MAP2K6: variants seen among roughly 807,000 people sequenced by gnomAD.
The protein encoded by MAP2K6 is mitogen-activated protein kinase kinase 6, also known as dual specificity mitogen-activated protein kinase kinase 6.
Under a neutral mutation model 53.7 loss-of-function variants are expected in MAP2K6, and 16 were observed. The observed-to-expected ratio is 0.30, with a 90% confidence interval of 0.20 to 0.45. MAP2K6 has a LOEUF of 0.45. Among genes scored for constraint, MAP2K6 ranks in the 20% least tolerant of loss-of-function variants. The pLI, the probability that MAP2K6 is intolerant of heterozygous loss-of-function variation, is 1.00. For synonymous variants in MAP2K6, 132 were observed against 143.1 expected (o/e 0.92, Z 0.55); for missense variants, 204 against 411.9 (o/e 0.50, Z 4.37).
chr17:69,493,101 A>G lies in MAP2K6; in HGVS notation c.17-12679A>G, dbSNP rs191339339. Among the ~76,000 whole-genome samples, 520 of 152,350 alleles carry G rather than the reference A, an allele frequency of 3.4e-3. 2 individuals carry two copies. Among genetic ancestry groups the G allele is most frequent in the African/African-American group, 0.012 (479 of 41,584 alleles). ...ACATGTCAGCCAATGAACTTATACA[A>G]AAGAATAAGAGGCTTAAATATTAAA... On this transcript the variant is annotated intron_variant, in intron 1 of 11. Coordinates refer to ENST00000590474, the MANE Select transcript of MAP2K6 (RefSeq NM_002758.4).
Position 69,541,659 on chromosome 17 carries a change from T to G in MAP2K6, c.928-17T>G, listed in dbSNP as rs752989163. On this transcript the variant is annotated splice_polypyrimidine_tract_variant and intron_variant, in intron 11 of 11. Coordinates refer to ENST00000590474, the MANE Select transcript of MAP2K6 (RefSeq NM_002758.4). ...CAGTAAGACATTAATACCATGTTTTTTCTTTTTCTTTTCCAGCAACATCCA... is the reference window on the plus strand; with the variant it reads ...CAGTAAGACATTAATACCATGTTTTGTCTTTTTCTTTTCCAGCAACATCCA... The G allele has an allele frequency of 6.3e-6, 10 of 1,595,632 alleles. No individual in the cohort carries two copies. The Admixed American group carries it at 1.3e-4, about 21-fold the overall frequency.
chr17:69,460,350 G>A (rs993791036), intron 1 of MAP2K6, among the ~76,000 whole-genome samples: 1 of 152,178 alleles, frequency 6.6e-6, no homozygotes, highest in Non-Finnish European at 1.5e-5. Context: ...TTAGGAAGAC[G>A]GAGGTATTTA....
chr17:69,437,406 G>T (rs1567817591), intron 1 of MAP2K6, among the ~76,000 whole-genome samples: 1 of 152,068 alleles, frequency 6.6e-6, no homozygotes, highest in African/African-American at 2.4e-5. Flanking sequence ...GAAGAAGAGG[G>T]GTTGGTTTTG....
At position 69,494,506 on chromosome 17, in the gene MAP2K6, AAAAG is replaced by A. The variant is rs981456684; in HGVS notation, c.17-11269_17-11266del. 1.3e-5 allele frequency among the ~76,000 whole-genome samples: 2 copies of A among 152,062 alleles called. No individual in the cohort carries two copies. Among genetic ancestry groups the A allele is most frequent in the African/African-American group, 4.8e-5 (2 of 41,382 alleles). On this transcript the variant is annotated intron_variant, in intron 1 of 11. Coordinates refer to ENST00000590474, the MANE Select transcript of MAP2K6 (RefSeq NM_002758.4). The surrounding 1 kb of genome is among the most constrained non-coding windows in gnomAD (Gnocchi z 4.2). ...AAGTGAGACTCTGTCTTTAAAAAAAAAAAGAAAGGAAAAAACAAAATGAATGGAG... is the reference window on the plus strand; with the variant it reads ...AAGTGAGACTCTGTCTTTAAAAAAAAAAAGGAAAAAACAAAATGAATGGAG...
At chr17:69,457,557 C>G (rs564070707) in intron 1 of MAP2K6, among the ~76,000 whole-genome samples, 53 of 152,282 alleles carry the variant, frequency 3.5e-4, no homozygotes, top group African/African-American at 9.1e-4. Context: ...TGCAGGCTTG[C>G]AGCTGGGTGC....
At chr17:69,506,182 T>C (rs1909461098) in intron 2 of MAP2K6, among the ~76,000 whole-genome samples, 1 of 152,170 alleles carries the variant, frequency 6.6e-6, no homozygotes, top group Admixed American at 6.5e-5. Flanking sequence ...CAAATCCCTG[T>C]GAAAGCCACT....
chr17:69,485,436 A>G (rs1268853927), intron 1 of MAP2K6: 4 of 977,940 alleles, frequency 4.1e-6, no homozygotes, highest in African/African-American at 1.8e-5. Context: ...TCTTATCTCT[A>G]TGGAACATTG....
intron 1 of MAP2K6, chr17:69,485,508 G>C: frequency 1.0e-6 from 1 of 967,164 alleles, no homozygotes; most frequent in Non-Finnish European, 1.2e-6. Context: ...TTGAAACTAC[G>C]GGAACTCCTT....
chr17:69,497,157 CTG>C (rs1394727311), intron 1 of MAP2K6, among the ~76,000 whole-genome samples: 1 of 152,146 alleles, frequency 6.6e-6, no homozygotes, highest in East Asian at 1.9e-4. Flanking sequence ...TGCTTAAACT[CTG>C]TACATAGGTA....
intron 1 of MAP2K6, among the ~76,000 whole-genome samples, chr17:69,464,650 G>A (rs1445680561): frequency 2.0e-5 from 3 of 152,186 alleles, no homozygotes; most frequent in African/African-American, 7.2e-5. Flanking sequence ...CCGAAGTGCT[G>A]GGATTACAGG....
intron 1 of MAP2K6, among the ~76,000 whole-genome samples, chr17:69,486,366 G>A (rs1423561230): frequency 6.6e-6 from 1 of 152,182 alleles, no homozygotes; most frequent in African/African-American, 2.4e-5. Context: ...TACAGAAAAT[G>A]CCCTGAGAGA....
intron 6 of MAP2K6, 167 bp downstream of exon 6, chr17:69,520,553 C>T (rs1910411890): frequency 3.4e-6 from 2 of 593,676 alleles, no homozygotes; most frequent in Non-Finnish European, 3.0e-6. Flanking sequence ...TTTCTGAGCA[C>T]TGTGTAGAAG....
At chr17:69,503,974 G>T (rs1909317228) in intron 1 of MAP2K6, among the ~76,000 whole-genome samples, 1 of 152,088 alleles carries the variant, frequency 6.6e-6, no homozygotes, top group South Asian at 2.1e-4. Flanking sequence ...TCCCGGGTAC[G>T]TCTCACCTGC....
chr17:69,447,382 G>T (rs1304085707), intron 1 of MAP2K6, among the ~76,000 whole-genome samples: 1 of 151,980 alleles, frequency 6.6e-6, no homozygotes, highest in Non-Finnish European at 1.5e-5. Flanking sequence ...GTCTTGCTCT[G>T]TCGCCCAGAT....
intron 1 of MAP2K6, 80 bp downstream of exon 1, chr17:69,415,080 T>C (rs1905855396): frequency 7.3e-7 from 1 of 1,365,468 alleles, no homozygotes; most frequent in Non-Finnish European, 1.0e-6. Context: ...AATTTTCGCC[T>C]GGCGAGTGCA....
chr17:69,426,103 T>G (rs931725965), intron 1 of MAP2K6, among the ~76,000 whole-genome samples: 1 of 152,220 alleles, frequency 6.6e-6, no homozygotes, highest in Non-Finnish European at 1.5e-5. Context: ...TGTGGCCCAG[T>G]CTGGCCTCAA....
chr17:69,526,746 GAAGA>G (rs1205028079), intron 10 of MAP2K6, 37 bp downstream of exon 10: 1 of 1,598,204 alleles, frequency 6.3e-7, no homozygotes, highest in Admixed American at 1.7e-5. Flanking sequence ...CAGTGTGAAA[GAAGA>G]AGATGAGTTC....
chr17:69,488,925 T>C (rs756271091), intron 1 of MAP2K6, among the ~76,000 whole-genome samples: 1 of 151,984 alleles, frequency 6.6e-6, no homozygotes, highest in Non-Finnish European at 1.5e-5. Context: ...ACTGCAGTTA[T>C]AGAAATAAAA....
chr17:69,447,450 A>T lies in MAP2K6; in HGVS notation c.16+32450A>T, dbSNP rs536360173. 2.0e-5 allele frequency among the ~76,000 whole-genome samples: 3 copies of T among 152,000 alleles called. No individual in the cohort carries two copies. The East Asian group carries it at 5.8e-4, about 30-fold the overall frequency. ...AACCTCTGCCTCCGAGGTTCAAGTG[A>T]TTCTCCAGCCTCAGCCTCCCGAGTA... On this transcript the variant is annotated intron_variant, in intron 1 of 11. Coordinates refer to ENST00000590474, the MANE Select transcript of MAP2K6 (RefSeq NM_002758.4).
Sources: allele counts gnomAD v4.1 joint callset (sites outside exome capture counted in the v4.1 genomes callset), GRCh38; gene constraint gnomAD v4.1.1; non-coding constraint Gnocchi (gnomAD v3.1); transcripts MANE v1.5; gene names NCBI Gene and HGNC (gene_info 2026-07-23, HGNC 2026-07-21).